CTTNBP2NL: variants seen among roughly 807,000 people sequenced by gnomAD.
CTTNBP2NL encodes CTTNBP2 N-terminal-like protein.
A neutral mutation model predicts 32.5 loss-of-function variants in CTTNBP2NL; 16 were observed. The ratio of observed to expected loss-of-function variants is 0.49; its 90% CI spans 0.33 to 0.75. The LOEUF (loss-of-function observed/expected upper bound fraction) is 0.75, where lower values mean the gene tolerates loss of function less well. Ranked by LOEUF, CTTNBP2NL falls within the 30% of genes least tolerant of loss-of-function variation. CTTNBP2NL has a pLI of 0.02. For synonymous variants in CTTNBP2NL, 298 were observed against 289.4 expected, an observed-to-expected ratio of 1.03 and a Z score of -0.30; for missense variants, 645 against 756.0, an observed-to-expected ratio of 0.85 and a Z score of 1.72.
At chr1:112,396,970 C>A (rs1168008829) in intron 1 of CTTNBP2NL, among the ~76,000 whole-genome samples, 1 of 152,200 alleles carries the variant, frequency 6.6e-6, no homozygotes, top group Non-Finnish European at 1.5e-5. Flanking sequence ...TACCTTCCTT[C>A]TACTTTCTGT....
intron 1 of CTTNBP2NL, among the ~76,000 whole-genome samples, chr1:112,411,080 T>C (rs1190059190): frequency 1.3e-5 from 2 of 152,244 alleles, no homozygotes; most frequent in East Asian, 3.8e-4. Flanking sequence ...GAATAGCTTA[T>C]GCAGTGGTTT....
At chr1:112,454,661 G>A (rs376395532) in intron 5 of CTTNBP2NL, 105 bp downstream of exon 5, 2 of 838,224 alleles carry the variant, frequency 2.4e-6, no homozygotes, top group East Asian at 2.4e-5. Context: ...GGGGCTTTGT[G>A]GTCAAATAAG....
intron 3 of CTTNBP2NL, among the ~76,000 whole-genome samples, chr1:112,432,581 C>T (rs1276680155): frequency 6.6e-6 from 1 of 151,766 alleles, no homozygotes; most frequent in African/African-American, 2.4e-5. Context: ...TCTTATACCA[C>T]CCTATTCTAA....
intron 3 of CTTNBP2NL, among the ~76,000 whole-genome samples, chr1:112,436,103 T>C (rs1203891082): frequency 1.3e-5 from 2 of 151,130 alleles, no homozygotes; most frequent in Non-Finnish European, 3.0e-5. Flanking sequence ...TTGTTGCTTG[T>C]TTGTTTGTTT....
In CTTNBP2NL at chr1:112,457,541, T is replaced by C; in HGVS notation, c.*129T>C. The C allele has an allele frequency of 1.2e-6, 1 of 803,226 alleles. No homozygotes were observed. The highest frequency in any genetic ancestry group is 2.2e-5 in the South Asian group (1 of 45,458). 49.8% of individuals were successfully genotyped at this position (803,226 alleles called of 1,614,324 possible). A position where few individuals can be genotyped will look rare whatever the true frequency, so the allele number is the denominator to read the frequency against. ...AACCATCTGTATAATACATTTAGTA[T>C]ATTTCACCATTTTGTATTTTTTTAA... On this transcript the variant is annotated 3_prime_UTR_variant, in exon 6 of 6. Transcript: ENST00000271277.
chr1:112,437,516 TG>T (rs1649769174), intron 3 of CTTNBP2NL, among the ~76,000 whole-genome samples: 1 of 144,262 alleles, frequency 6.9e-6, no homozygotes, highest in African/African-American at 2.5e-5. Flanking sequence ...TGAGTTCCTT[TG>T]TTTTTTTTTG....
chr1:112,454,377 A>G (rs1480413264), intron 4 of CTTNBP2NL, 72 bp from the exon 5 acceptor site: 13 of 1,135,650 alleles, frequency 1.1e-5, no homozygotes, highest in Non-Finnish European at 1.7e-5. Flanking sequence ...CTGATTTGGC[A>G]CTTATTATTG....
At chr1:112,421,117 G>C (rs1570725241) in intron 3 of CTTNBP2NL, among the ~76,000 whole-genome samples, 1 of 152,004 alleles carries the variant, frequency 6.6e-6, no homozygotes, top group East Asian at 1.9e-4. Context: ...ATCCATTTAG[G>C]AACAAAGATA....
At chr1:112,416,124 T>G in intron 2 of CTTNBP2NL, 33 bp from the exon 3 acceptor site, 1 of 1,092,320 alleles carries the variant, frequency 9.2e-7, no homozygotes, top group Non-Finnish European at 1.4e-6. Flanking sequence ...AACTATGTCT[T>G]TGGAGATTGT....
chr1:112,431,768 A>G (rs1649573177), intron 3 of CTTNBP2NL, among the ~76,000 whole-genome samples: 1 of 152,054 alleles, frequency 6.6e-6, no homozygotes, highest in Non-Finnish European at 1.5e-5. Context: ...ACAAATTGCA[A>G]AACAGTTTTA....
rs1039564273 is a variant in CTTNBP2NL at position 112,442,369 on chromosome 1, C to T, written c.100-6573C>T. Among the ~76,000 whole-genome samples, 5 of 152,244 alleles carry T rather than the reference C, an allele frequency of 3.3e-5. 1 individual carries two copies. Among genetic ancestry groups the T allele is most frequent in the African/African-American group, 2.4e-5 (1 of 41,558 alleles). On this transcript the variant is annotated intron_variant, in intron 3 of 5. Transcript: ENST00000271277. Reference sequence around the variant, plus strand: ...AACTCCTGACTTCAGGTGATCTTCCCGCCTCGGCCAAAAATAAATTATTTT... The same window carrying T: ...AACTCCTGACTTCAGGTGATCTTCCTGCCTCGGCCAAAAATAAATTATTTT...
chr1:112,437,819 G>T (rs527905726), intron 3 of CTTNBP2NL, among the ~76,000 whole-genome samples: 2 of 152,086 alleles, frequency 1.3e-5, no homozygotes. Context: ...CACCATACCC[G>T]GCCGAGTTCC....
intron 1 of CTTNBP2NL, among the ~76,000 whole-genome samples, chr1:112,406,848 G>C (rs1426209315): frequency 6.6e-6 from 1 of 152,100 alleles, no homozygotes; most frequent in Non-Finnish European, 1.5e-5. Context: ...TATTTGAATA[G>C]AGTACTACAG....
chr1:112,400,427 G>A (rs569431499), intron 1 of CTTNBP2NL, among the ~76,000 whole-genome samples: 2 of 152,296 alleles, frequency 1.3e-5, no homozygotes, highest in East Asian at 1.9e-4. Flanking sequence ...TTTGGAGGCC[G>A]AAGCGGGTGG....
intron 3 of CTTNBP2NL, among the ~76,000 whole-genome samples, chr1:112,432,065 G>GTT: frequency 8.0e-6 from 1 of 125,670 alleles, no homozygotes; most frequent in African/African-American, 3.3e-5. Context: ...TATATATTTT[G>GTT]ATTTTTTTTT....
intron 3 of CTTNBP2NL, among the ~76,000 whole-genome samples, chr1:112,447,550 G>A (rs1181532743): frequency 2.0e-5 from 3 of 151,900 alleles, no homozygotes; most frequent in African/African-American, 4.8e-5. Context: ...TGATAAGAAC[G>A]TAAAATTTTA....
chr1:112,423,140 A>AT (rs1278026499), intron 3 of CTTNBP2NL, among the ~76,000 whole-genome samples: 3 of 151,498 alleles, frequency 2.0e-5, no homozygotes, highest in Non-Finnish European at 4.4e-5. Context: ...TCTTTTGCCC[A>AT]TTTTTTTTAA....
At chr1:112,418,871 TTAAA>T (rs1270750270) in intron 3 of CTTNBP2NL, among the ~76,000 whole-genome samples, 1 of 152,214 alleles carries the variant, frequency 6.6e-6, no homozygotes, top group Non-Finnish European at 1.5e-5. Context: ...AAAATTTAGA[TTAAA>T]TAGTTTATTT....
intron 1 of CTTNBP2NL, among the ~76,000 whole-genome samples, chr1:112,410,165 G>A (rs570831909): frequency 1.3e-5 from 2 of 152,240 alleles, no homozygotes; most frequent in South Asian, 2.1e-4. Flanking sequence ...GGCCAAGGCG[G>A]GGGGATCACC....
Sources: gnomAD v4.1 joint callset for allele counts (sites outside exome capture counted in the v4.1 genomes callset) on GRCh38, gnomAD v4.1.1 for gene constraint, MANE v1.5 for transcripts, NCBI Gene and HGNC (gene_info 2026-07-23, HGNC 2026-07-21) for gene names.